SYCP2L: variants seen among roughly 807,000 people sequenced by gnomAD.
SYCP2L encodes the protein synaptonemal complex protein 2 like, also known as synaptonemal complex protein 2-like.
A neutral mutation model predicts 125.8 loss-of-function variants in SYCP2L; 98 were observed. The observed-to-expected ratio is 0.78, with a 90% CI of 0.66 to 0.92. SYCP2L has a LOEUF of 0.92. Among genes scored for constraint, SYCP2L ranks in the 40% least tolerant of loss-of-function variants. The pLI is 0.00. For synonymous variants in SYCP2L, 317 were observed against 325.4 expected (o/e 0.97, Z 0.28); for missense variants, 842 against 936.4 (o/e 0.90, Z 1.32).
intron 19 of SYCP2L, 33 bp from the exon 20 acceptor site, chr6:10,931,407 T>G: frequency 6.2e-7 from 1 of 1,612,192 alleles, no homozygotes; most frequent in Admixed American, 1.7e-5. Flanking sequence ...TGAGTTAATG[T>G]ATATGTTGTG....
intron 29 of SYCP2L, among the ~76,000 whole-genome samples, chr6:10,967,872 A>G (rs528000801): frequency 7.4e-4 from 112 of 152,198 alleles, no homozygotes; most frequent in African/African-American, 2.5e-3. Context: ...TTCTTGCATG[A>G]TTTTTCTCCA....
rs1287644904 is a variant in SYCP2L at position 10,905,573 on chromosome 6, T to TGCTC, written c.642-446_642-445insCTCG. Among the ~76,000 whole-genome samples the TGCTC allele has an allele frequency of 3.9e-5, 6 of 152,328 alleles. No homozygotes were observed. The East Asian group carries it at 1.2e-3, about 29-fold the overall frequency. On this transcript the variant is annotated intron_variant, in intron 8 of 29. Coordinates refer to ENST00000283141, the MANE Select transcript of SYCP2L (RefSeq NM_001040274.3). ...TCCCAAACTGCTGGGATTACAGGCG[T>TGCTC]GAGCCACTGTGCCCAGCCTAGATTA...
At chr6:10,971,116 G>C (rs1301519763) in intron 29 of SYCP2L, among the ~76,000 whole-genome samples, 2 of 152,124 alleles carry the variant, frequency 1.3e-5, no homozygotes, top group Admixed American at 6.5e-5. Flanking sequence ...TCTGTGTGGT[G>C]ATATTTAAAG....
intron 6 of SYCP2L, among the ~76,000 whole-genome samples, chr6:10,899,098 G>A (rs1780334134): frequency 6.6e-6 from 1 of 152,148 alleles, no homozygotes; most frequent in South Asian, 2.1e-4. Flanking sequence ...TCAGGTAATG[G>A]AAAGTCACTT....
At chr6:10,960,575 A>G (rs990007856) in intron 26 of SYCP2L, among the ~76,000 whole-genome samples, 3 of 152,234 alleles carry the variant, frequency 2.0e-5, no homozygotes, top group African/African-American at 7.2e-5. Context: ...AGTGACTCTT[A>G]GAAATGTTAG....
chr6:10,887,250 T>C (rs1003803749), intron 1 of SYCP2L, 115 bp downstream of exon 1: 2 of 1,420,406 alleles, frequency 1.4e-6, no homozygotes, highest in Non-Finnish European at 2.0e-6. Context: ...AGAGACCGGG[T>C]GCTGGGCATA....
chr6:10,896,032 T>TA (rs1015170375), intron 4 of SYCP2L, among the ~76,000 whole-genome samples: 4 of 152,150 alleles, frequency 2.6e-5, no homozygotes, highest in African/African-American at 9.7e-5. Context: ...CACATGCCTG[T>TA]AATCCCAGCT....
chr6:10,930,529 T>C lies in SYCP2L; in HGVS notation c.1633+15T>C. 3.1e-6 allele frequency: 5 copies of C among 1,603,522 alleles called. No homozygotes were observed. The highest frequency in any genetic ancestry group is 2.2e-5 in the East Asian group (1 of 44,658). Reference sequence around the variant, plus strand: ...TAATTTGAGAAGTAAGTCTGGCATGTCTTCTTTTGAATCACTTTTCAAATA... The same window carrying C: ...TAATTTGAGAAGTAAGTCTGGCATGCCTTCTTTTGAATCACTTTTCAAATA... On this transcript the variant is annotated intron_variant, in intron 19 of 29. Coordinates refer to ENST00000283141, the MANE Select transcript of SYCP2L (RefSeq NM_001040274.3).
At chr6:10,898,501 G>A (rs962575713) in intron 5 of SYCP2L, among the ~76,000 whole-genome samples, 1 of 152,174 alleles carries the variant, frequency 6.6e-6, no homozygotes, top group Non-Finnish European at 1.5e-5. Flanking sequence ...GGAAACAAGA[G>A]TGAAACTCTG....
chr6:10,931,735 C>T (rs1262071452), intron 20 of SYCP2L, among the ~76,000 whole-genome samples: 1 of 152,078 alleles, frequency 6.6e-6, no homozygotes, highest in East Asian at 1.9e-4. Context: ...GATGCCAAGG[C>T]GGGTGGATCA....
chr6:10,950,551 G>C (rs897223579), intron 23 of SYCP2L, among the ~76,000 whole-genome samples: 2 of 152,170 alleles, frequency 1.3e-5, no homozygotes, highest in East Asian at 1.9e-4. Context: ...GAGGATTTAT[G>C]TTTCTTTTAG....
At chr6:10,928,557 T>C in intron 18 of SYCP2L, 107 bp downstream of exon 18, 1 of 1,390,550 alleles carries the variant, frequency 7.2e-7, no homozygotes. Context: ...TGGCCAACCA[T>C]CTGTCAATTT....
rs1384727902 is a variant in SYCP2L at position 10,893,857 on chromosome 6, A to G, written c.79-10A>G. On this transcript the variant is annotated splice_polypyrimidine_tract_variant and intron_variant, in intron 2 of 29. Coordinates refer to ENST00000283141, the MANE Select transcript of SYCP2L (RefSeq NM_001040274.3). ...GGGAAAAAGTAATTTGCAAACTATC[A>G]TCTTTCCAGCTTCAATCACTTATTA... 1.2e-6 allele frequency: 2 copies of G among 1,602,578 alleles called. No individual in the cohort carries two copies.
rs571446121 is a variant in SYCP2L, at chr6:10,901,989, A to G, written c.467-688A>G. 3.3e-5 allele frequency among the ~76,000 whole-genome samples: 5 copies of G among 152,326 alleles called. No homozygotes were observed. The South Asian group carries it at 8.3e-4, about 25-fold the overall frequency. ...GGTTCACATCTGGGGAGAAAGTTTC[A>G]CTTTCCTCAACCAGCAAATGAAAGC... On this transcript the variant is annotated intron_variant, in intron 6 of 29. Transcript: ENST00000283141.
chr6:10,939,400 A>G (rs183667742), intron 21 of SYCP2L, among the ~76,000 whole-genome samples: 240 of 152,364 alleles, frequency 1.6e-3, no homozygotes, highest in African/African-American at 5.6e-3. Context: ...GGAACCACAA[A>G]AGATCCTAAA....
At position 10,888,137 on chromosome 6, in the gene SYCP2L, C is replaced by T. The variant is rs1780112038; in HGVS notation, c.9+1002C>T. Reference sequence around the variant, plus strand: ...TTTGAGACGGAGTCTCATTCTGTCGCCCAGGCTGGAGTGCAGTGGCGTGAT... The same window carrying T: ...TTTGAGACGGAGTCTCATTCTGTCGTCCAGGCTGGAGTGCAGTGGCGTGAT... On this transcript the variant is annotated intron_variant, in intron 1 of 29. Coordinates refer to ENST00000283141, the MANE Select transcript of SYCP2L (RefSeq NM_001040274.3). Among the ~76,000 whole-genome samples, 6 of 117,090 alleles carry T rather than the reference C, an allele frequency of 5.1e-5. No homozygotes were observed. The South Asian group carries it at 1.5e-3, about 29-fold the overall frequency. The allele number at this position is 117,090 out of a possible 152,430, so 76.8% of individuals were successfully genotyped here.
chr6:10,916,359 G>T (rs996182702), intron 14 of SYCP2L, among the ~76,000 whole-genome samples: 1 of 152,068 alleles, frequency 6.6e-6, no homozygotes, highest in African/African-American at 2.4e-5. Flanking sequence ...CTTCTACGGG[G>T]TTTGAGTTTG....
chr6:10,955,069 A>G (rs756683714), intron 23 of SYCP2L, 47 bp from the exon 24 acceptor site: 1 of 1,385,794 alleles, frequency 7.2e-7, no homozygotes, highest in East Asian at 2.3e-5. Flanking sequence ...CAAAAAATGA[A>G]CAAGATAATT....
intron 11 of SYCP2L, 74 bp downstream of exon 11, chr6:10,910,274 GGT>G: frequency 1.4e-6 from 2 of 1,385,612 alleles, no homozygotes; most frequent in South Asian, 2.4e-5. Context: ...AACAGTTTAG[GGT>G]CTGTTTCATT....
Sources: gnomAD v4.1 joint callset for allele counts (sites outside exome capture counted in the v4.1 genomes callset) on GRCh38, gnomAD v4.1.1 for gene constraint, MANE v1.5 for transcripts, NCBI Gene and HGNC (gene_info 2026-07-23, HGNC 2026-07-21) for gene names.